The following CCDC191 variants were observed in gnomAD, a reference collection of about 807,000 sequenced individuals.
The protein encoded by CCDC191 is coiled-coil domain containing 191.
Under a neutral mutation model 114.0 loss-of-function variants are expected in CCDC191, and 99 were observed. The ratio of observed to expected loss-of-function variants is 0.87; its 90% confidence interval spans 0.74 to 1.03. The LOEUF (loss-of-function observed/expected upper bound fraction) is 1.03. Ranked by LOEUF, CCDC191 falls within the 50% of genes least tolerant of loss-of-function variation. CCDC191 has a pLI of 0.00. For missense variants in CCDC191, 973 were observed against 1,087.0 expected, an observed-to-expected ratio of 0.90 and a Z score of 1.47; for synonymous variants, 351 against 376.0, an observed-to-expected ratio of 0.93 and a Z score of 0.77.
chr3:113,969,119 C>T (rs945269750), intron 16 of CCDC191, among the ~76,000 whole-genome samples: 1 of 152,170 alleles, frequency 6.6e-6, no homozygotes, highest in African/African-American at 2.4e-5. Flanking sequence ...AGTGAGAATG[C>T]ACTCATTTAC....
intron 3 of CCDC191, 73 bp downstream of exon 3, chr3:114,046,518 C>A: frequency 1.1e-6 from 1 of 945,376 alleles, no homozygotes; most frequent in Non-Finnish European, 1.7e-6. Context: ...AACTTCCATT[C>A]TCTACTTTGA....
chr3:113,968,459 CCCTTT>C (rs1940443299), intron 16 of CCDC191, among the ~76,000 whole-genome samples: 1 of 151,756 alleles, frequency 6.6e-6, no homozygotes, highest in Admixed American at 6.6e-5. Context: ...ATCTTCCCCC[CCCTTT>C]TTTTTTTAGG....
chr3:113,990,745 TCCC>T (rs1416287696), intron 13 of CCDC191, among the ~76,000 whole-genome samples: 1 of 151,014 alleles, frequency 6.6e-6, no homozygotes, highest in African/African-American at 2.4e-5. Context: ...AGGGTATACT[TCCC>T]CCATTTTATG....
At chr3:113,984,187 T>A (rs1177618508) in intron 13 of CCDC191, 1 of 151,990 alleles carries the variant, frequency 6.6e-6, no homozygotes, top group Non-Finnish European at 1.5e-5. Context: ...GAAATATATA[T>A]GATTGCCCCA....
chr3:114,048,955 T>C (rs1197166965), intron 2 of CCDC191, among the ~76,000 whole-genome samples: 1 of 152,236 alleles, frequency 6.6e-6, no homozygotes. Context: ...ACCTGACCTA[T>C]TCTGAAAATG....
chr3:114,011,217 A>C (rs1028884335), intron 8 of CCDC191, among the ~76,000 whole-genome samples, 196 bp from the exon 9 acceptor site: 16 of 152,212 alleles, frequency 1.1e-4, no homozygotes, highest in Non-Finnish European at 1.8e-4. Flanking sequence ...AGGTGTCAGC[A>C]CTTCAACAGA....
Position 114,018,737 on chromosome 3 carries a change from T to C in CCDC191, c.1104A>G (p.Arg368=), listed in dbSNP as rs2076201556. 1 of 1,613,490 alleles carries C rather than the reference T, an allele frequency of 6.2e-7. No homozygotes were observed. Among genetic ancestry groups the C allele is most frequent in the Non-Finnish European group, 8.5e-7 (1 of 1,179,678 alleles). The change falls in exon 8 of 17, where the codon AGA becomes AGG. Residue 368 remains arginine (R), a synonymous_variant. Transcript: ENST00000295878. ...KVLRAWRDYT[R]FQKLERETQA... ...GAGTCTCCCGCTCCAACTTCTGGAA[T>C]CTTGTGTAGTCTCTCCAGGCCCGCA...
chr3:113,970,259 T>A (rs1940663265), intron 16 of CCDC191, among the ~76,000 whole-genome samples: 1 of 152,218 alleles, frequency 6.6e-6, no homozygotes, highest in African/African-American at 2.4e-5. Flanking sequence ...TGGTGGAGTC[T>A]TTAGGTTTTT....
chr3:114,046,531 T>C (rs1423576041), intron 3 of CCDC191, 60 bp downstream of exon 3: 3 of 1,023,206 alleles, frequency 2.9e-6, no homozygotes, highest in Non-Finnish European at 4.6e-6. Context: ...TACTTTGAAA[T>C]GCATCATGGG....
chr3:114,011,569 A>G (rs894989437), intron 8 of CCDC191, among the ~76,000 whole-genome samples: 2 of 152,242 alleles, frequency 1.3e-5, no homozygotes, highest in African/African-American at 4.8e-5. Context: ...ACTGCTAAAG[A>G]GAAGGACTCA....
intron 1 of CCDC191, 31 bp downstream of exon 1, chr3:114,056,346 C>G: frequency 6.2e-7 from 1 of 1,608,728 alleles, no homozygotes; most frequent in Non-Finnish European, 8.5e-7. Flanking sequence ...TGGGAAAGTC[C>G]CCGCCCTCCA....
At chr3:114,028,784 C>T (rs2076362088) in intron 7 of CCDC191, among the ~76,000 whole-genome samples, 1 of 149,878 alleles carries the variant, frequency 6.7e-6, no homozygotes, top group Non-Finnish European at 1.5e-5. Context: ...TTTATATATA[C>T]ATATATATGT....
intron 4 of CCDC191, among the ~76,000 whole-genome samples, chr3:114,037,252 G>C (rs1241627243): frequency 1.3e-5 from 2 of 152,116 alleles, no homozygotes; most frequent in African/African-American, 4.8e-5. Context: ...ATATCCATCA[G>C]CCCCAAAAGG....
In CCDC191 at chr3:114,042,735, G is replaced by A; in HGVS notation, c.383C>T (p.Ala128Val). The A allele has an allele frequency of 6.3e-7, 1 of 1,588,060 alleles. No individual in the cohort carries two copies. The highest frequency in any genetic ancestry group is 8.5e-7 in the Non-Finnish European group (1 of 1,170,962). ...TVSSVTIMPE[A>V]NGHLKYDKFD... ...CTTGTCATATTTCAAATGGCCATTG[G>A]CTTCCGGCATAATAGTGACACTTGA... Residue 128 changes from alanine to valine, a missense_variant, in exon 4 of 17, where the codon GCC becomes GTC. By Grantham distance (64) the Ala-to-Val change is moderately conservative (BLOSUM62 0). Transcript: ENST00000295878.
At chr3:114,014,070 G>A (rs977204649) in intron 8 of CCDC191, among the ~76,000 whole-genome samples, 7 of 152,092 alleles carry the variant, frequency 4.6e-5, no homozygotes, top group African/African-American at 1.2e-4. Context: ...TGTCTTGAAC[G>A]TTTTAAAAGC....
At chr3:113,967,199 C>T (rs1160799593) in intron 16 of CCDC191, among the ~76,000 whole-genome samples, 1 of 152,198 alleles carries the variant, frequency 6.6e-6, no homozygotes, top group Non-Finnish European at 1.5e-5. Context: ...GCTTCCTGTG[C>T]TCGGCTGTGG....
chr3:113,990,802 TA>T (rs899295206), intron 13 of CCDC191, among the ~76,000 whole-genome samples: 5 of 149,846 alleles, frequency 3.3e-5, no homozygotes. Context: ...AAACATAATA[TA>T]AAAAAAAGGA....
At chr3:114,050,469 G>A (rs2076685101) in intron 2 of CCDC191, among the ~76,000 whole-genome samples, 1 of 152,190 alleles carries the variant, frequency 6.6e-6, no homozygotes, top group African/African-American at 2.4e-5. Flanking sequence ...ATAATTCTAG[G>A]TGAAAGAGTA....
In CCDC191 at chr3:113,999,228, T is replaced by A. The variant is rs541051731; in HGVS notation, c.2163+2367A>T. On this transcript the variant is annotated intron_variant, in intron 13 of 16. Coordinates refer to ENST00000295878, the MANE Select transcript of CCDC191 (RefSeq NM_020817.2). ...AATTTTGGCTTCCTGTTCCCATGAC[T>A]TTATGCTTTACTAGCCTAGAGGTCT... Among the ~76,000 whole-genome samples the A allele has an allele frequency of 2.6e-5, 4 of 152,300 alleles. No individual in the cohort carries two copies. The South Asian group carries it at 8.3e-4, about 32-fold the overall frequency.
Sources: allele counts gnomAD v4.1 joint callset (sites outside exome capture counted in the v4.1 genomes callset), GRCh38; gene constraint gnomAD v4.1.1; transcripts MANE v1.5; gene names NCBI Gene and HGNC (gene_info 2026-07-23, HGNC 2026-07-21).